NTRK3: variants seen among roughly 807,000 people sequenced by gnomAD.
NTRK3 encodes the protein neurotrophic receptor tyrosine kinase 3.
A neutral mutation model predicts 91.7 loss-of-function variants in NTRK3; 24 were observed. That is an observed-to-expected ratio of 0.26 (90% CI 0.19 to 0.37). The LOEUF (loss-of-function observed/expected upper bound fraction) is 0.37, where lower values mean the gene tolerates loss of function less well. Among genes scored for constraint, NTRK3 ranks in the 10% least tolerant of loss-of-function variants. NTRK3 has a pLI of 1.00. For synonymous variants in NTRK3, 483 were observed against 404.0 expected (o/e 1.20, Z -2.34); for missense variants, 880 against 1,068.9 (o/e 0.82, Z 2.46).
rs2051413717 is a variant in NTRK3, at chr15:88,233,695, T to TCCTCTCCTC, written c.248+22202_248+22210dup. Among the ~76,000 whole-genome samples the TCCTCTCCTC allele has an allele frequency of 6.6e-6, 1 of 151,954 alleles. No homozygotes were observed. The highest frequency in any genetic ancestry group is 1.5e-5 in the Non-Finnish European group (1 of 67,990). ...GGTCCACCTCTTCAGAAAACTGCTCTCCTCTCCTCCCTCTCCTCCTGGTCC... is the reference window on the plus strand; with the variant it reads ...GGTCCACCTCTTCAGAAAACTGCTCTCCTCTCCTCCCTCTCCTCCCTCTCCTCCTGGTCC... On this transcript the variant is annotated intron_variant, in intron 3 of 18. Coordinates refer to ENST00000394480, the Ensembl canonical transcript of NTRK3. The surrounding 1 kb of genome is among the most constrained non-coding windows in gnomAD (Gnocchi z 4.2).
rs575796952 is a variant in NTRK3, at chr15:88,128,654, A to G, written c.1228+57T>C. On this transcript the variant is annotated intron_variant, in intron 11 of 18. Transcript: ENST00000394480. ...GGAGAGAGGGCTATTTGAATTCAAT[A>G]GTTACCGATAGTATCAGAATAAATC... The G allele has an allele frequency of 5.4e-5, 85 of 1,567,560 alleles. No individual in the cohort carries two copies. The African/African-American group carries it at 7.2e-4, about 13-fold the overall frequency.
In NTRK3 at chr15:88,087,418, G is replaced by C. The variant is rs140751345; in HGVS notation, c.1396+38853C>G. On this transcript the variant is annotated intron_variant, in intron 13 of 18. Coordinates refer to ENST00000394480, the Ensembl canonical transcript of NTRK3. ...ATTTTGCCCCCACTGTGCCCCTCTT[G>C]CTAGAGGAACCATCCCAGTAATAAA... Among the ~76,000 whole-genome samples, 159 of 152,304 alleles carry C rather than the reference G, an allele frequency of 1.0e-3. No individual in the cohort carries two copies. In the East Asian group the frequency reaches 0.018, roughly 17 times the overall value.
intron 14 of NTRK3, among the ~76,000 whole-genome samples, chr15:87,993,576 C>T (rs1447880366): frequency 6.6e-6 from 1 of 152,178 alleles, no homozygotes; most frequent in Non-Finnish European, 1.5e-5. Flanking sequence ...GAGACACACA[C>T]ACAAAATACT....
At chr15:88,031,219 G>A (rs190539) in intron 14 of NTRK3, among the ~76,000 whole-genome samples, 1 of 152,208 alleles carries the variant, frequency 6.6e-6, no homozygotes, top group Non-Finnish European at 1.5e-5. Flanking sequence ...GTCTTCCCTA[G>A]GAGCAATGGT....
At chr15:88,020,036 GA>G (rs2141873739) in intron 14 of NTRK3, among the ~76,000 whole-genome samples, 1 of 152,318 alleles carries the variant, frequency 6.6e-6, no homozygotes, top group Non-Finnish European at 1.5e-5. Context: ...AAGCAAAAAC[GA>G]AGTCAAATAA....
chr15:87,937,421 A>T (rs567246583), intron 15 of NTRK3, among the ~76,000 whole-genome samples: 12 of 152,316 alleles, frequency 7.9e-5, no homozygotes, highest in African/African-American at 2.9e-4. Flanking sequence ...AAAAGCATAA[A>T]AACATTGGGA....
intron 14 of NTRK3, among the ~76,000 whole-genome samples, chr15:88,028,452 G>A (rs1344908438): frequency 1.3e-5 from 2 of 152,222 alleles, no homozygotes; most frequent in African/African-American, 4.8e-5. Flanking sequence ...AGTGATCTTG[G>A]ATGGAGAGTG....
intron 14 of NTRK3, among the ~76,000 whole-genome samples, chr15:88,019,959 G>T (rs2077491939): frequency 6.6e-6 from 1 of 152,188 alleles, no homozygotes; most frequent in Non-Finnish European, 1.5e-5. Context: ...GTACATTTGT[G>T]TCTGAAGATC....
chr15:87,998,824 C>G lies in NTRK3; in HGVS notation c.1585+34033G>C, dbSNP rs1002240779. Among the ~76,000 whole-genome samples the G allele has an allele frequency of 2.0e-5, 3 of 151,936 alleles. No homozygotes were observed. In the East Asian group the frequency reaches 5.8e-4, roughly 29 times the overall value. Reference sequence around the variant, plus strand: ...ATAAAAATGTCAAGTGAGATTTGTTCTGGACTGCAATGACTTACTGCCTCA... The same window carrying G: ...ATAAAAATGTCAAGTGAGATTTGTTGTGGACTGCAATGACTTACTGCCTCA... On this transcript the variant is annotated intron_variant, in intron 14 of 18. Transcript: ENST00000394480.
exon 10 of NTRK3, chr15:88,135,225 C>A (rs2041759992): frequency 6.2e-7 from 1 of 1,614,088 alleles, no homozygotes; most frequent in African/African-American, 1.3e-5. Flanking sequence ...GCAGGCAGCC[C>A]TCGGAAATCT....
intron 14 of NTRK3, among the ~76,000 whole-genome samples, chr15:88,024,728 G>C (rs143664218): frequency 4.4e-4 from 67 of 152,304 alleles, no homozygotes; most frequent in African/African-American, 1.6e-3. Context: ...TGTAGGGAAA[G>C]AGAAAGTGTC....
intron 13 of NTRK3, among the ~76,000 whole-genome samples, chr15:88,092,220 G>C (rs1301546609): frequency 6.6e-6 from 1 of 152,182 alleles, no homozygotes; most frequent in African/African-American, 2.4e-5. Context: ...GATGAAATAT[G>C]ATGGCTATCT....
intron 14 of NTRK3, among the ~76,000 whole-genome samples, chr15:88,025,977 A>C (rs1258295921): frequency 1.3e-5 from 2 of 152,134 alleles, no homozygotes; most frequent in Non-Finnish European, 2.9e-5. Context: ...AAAATAAAAT[A>C]ACTGAGCTAT....
In NTRK3 at chr15:87,898,110, A is replaced by G. The variant is rs185250528; in HGVS notation, c.2134-17682T>C. Among the ~76,000 whole-genome samples, 3 of 152,312 alleles carry G rather than the reference A, an allele frequency of 2.0e-5. No individual in the cohort carries two copies. In the East Asian group the frequency reaches 5.8e-4, roughly 29 times the overall value. Reference sequence around the variant, plus strand: ...ATCTAAATCTTCCTTGAAAGATGCTAATTTCTCAATGATTATGATCATGTG... The same window carrying G: ...ATCTAAATCTTCCTTGAAAGATGCTGATTTCTCAATGATTATGATCATGTG... On this transcript the variant is annotated intron_variant, in intron 17 of 18. Coordinates refer to ENST00000394480, the Ensembl canonical transcript of NTRK3.
chr15:88,039,348 C>T (rs1018203332), intron 13 of NTRK3, among the ~76,000 whole-genome samples: 1 of 152,216 alleles, frequency 6.6e-6, no homozygotes, highest in African/African-American at 2.4e-5. Context: ...GAGGTCTGCA[C>T]AGACTCTCAA....
exon 19 of NTRK3, chr15:87,864,919 G>A (rs1292205443): frequency 1.8e-5 from 4 of 221,240 alleles, no homozygotes; most frequent in African/African-American, 4.5e-5. Flanking sequence ...AAATCTCAGT[G>A]GTAACCCAAT....
rs117652349 is a variant in NTRK3, at chr15:87,930,226, C to T, written c.1890-792G>A. ...ATGGGTCTGGGGTACCCCCAGAACC[C>T]ATTCCATCCCAAATCAAGCCCGGAT... is the stretch of plus-strand genomic sequence containing the variant. On this transcript the variant is annotated intron_variant, in intron 16 of 18. Transcript: ENST00000394480. Among the ~76,000 whole-genome samples the T allele has an allele frequency of 6.5e-3, 993 of 152,298 alleles. 6 individuals are homozygous for T. The highest frequency in any genetic ancestry group is 0.027 in the Middle Eastern group (8 of 294).
chr15:88,183,012 A>ACCCCCCCCCCCCCCCCCCCCCC (rs370707792), intron 5 of NTRK3, among the ~76,000 whole-genome samples: 6 of 119,998 alleles, frequency 5.0e-5, no homozygotes, highest in African/African-American at 9.2e-5. Context: ...TCTTCTTGCA[A>ACCCCCCCCCCCCCCCCCCCCCC]CCCCCCCCCG....
intron 13 of NTRK3, among the ~76,000 whole-genome samples, chr15:88,066,643 TC>T (rs2046674580): frequency 6.6e-6 from 1 of 152,128 alleles, no homozygotes; most frequent in South Asian, 2.1e-4. Flanking sequence ...TGAGTGCCTC[TC>T]CCAAGCTTAT....
Sources: allele counts gnomAD v4.1 joint callset (sites outside exome capture counted in the v4.1 genomes callset), GRCh38; gene constraint gnomAD v4.1.1; non-coding constraint Gnocchi (gnomAD v3.1); transcripts MANE v1.5; gene names NCBI Gene and HGNC (gene_info 2026-07-23, HGNC 2026-07-21).